MID1: variants seen among roughly 807,000 people sequenced by gnomAD.
MID1 encodes E3 ubiquitin-protein ligase Midline-1.
In MID1, 7 loss-of-function variants were observed where a neutral mutation model predicts 40.4. The observed-to-expected ratio is 0.17, with a 90% CI of 0.10 to 0.33. The LOEUF is 0.33. MID1 is among the 10% of genes least tolerant of loss of function. MID1 has a pLI of 1.00. For synonymous variants in MID1, 229 were observed against 221.2 expected (o/e 1.04, Z -0.31); for missense variants, 367 against 558.5 (o/e 0.66, Z 3.46).
chrX:10,735,990 T>C (rs949489442), intron 1 of MID1, among the ~76,000 whole-genome samples: 2 of 112,614 alleles, frequency 1.8e-5, no homozygotes, highest in Admixed American at 9.4e-5. Context: ...TCTGACATTT[T>C]CCTAGCCTCT....
intron 1 of MID1, among the ~76,000 whole-genome samples, chrX:10,579,725 A>T (rs771549679): frequency 9.0e-6 from 1 of 111,570 alleles, no homozygotes; most frequent in East Asian, 2.8e-4. Flanking sequence ...CTCCTGGTTA[A>T]CTATTACGAA....
At chrX:10,689,468 G>A (rs147001961) in intron 1 of MID1, among the ~76,000 whole-genome samples, 96 of 111,660 alleles carry the variant, frequency 8.6e-4, no homozygotes, top group African/African-American at 3.0e-3. Context: ...CCCCTGACAT[G>A]TGGGGATTAC....
intron 1 of MID1, among the ~76,000 whole-genome samples, chrX:10,817,538 TTCTTTCTTTC>T (rs1407011746): frequency 3.4e-4 from 34 of 101,462 alleles, no homozygotes; most frequent in African/African-American, 1.2e-3. Context: ...CTTTCTTTCT[TTCTTTCTTTC>T]TTTCTTTCTT....
intron 1 of MID1, among the ~76,000 whole-genome samples, chrX:10,800,079 C>T (rs758867966): frequency 9.0e-6 from 1 of 111,424 alleles, no homozygotes; most frequent in East Asian, 2.8e-4. Flanking sequence ...CTTGGTATTT[C>T]CCTCCCCTTA....
At chrX:10,492,238 T>C (rs1930991338) in intron 4 of MID1, among the ~76,000 whole-genome samples, 1 of 112,113 alleles carries the variant, frequency 8.9e-6, no homozygotes, top group South Asian at 3.7e-4. Context: ...TGGGGTAAGA[T>C]AATGTTGTCT....
intron 1 of MID1, among the ~76,000 whole-genome samples, chrX:10,688,257 AT>A (rs1294278673): frequency 8.9e-6 from 1 of 111,807 alleles, no homozygotes. Context: ...GTTATAAAAT[AT>A]TTTTATTTCC....
intron 1 of MID1, among the ~76,000 whole-genome samples, chrX:10,831,480 G>A: frequency 9.0e-6 from 1 of 111,453 alleles, no homozygotes; most frequent in Non-Finnish European, 1.9e-5. Context: ...CTCCATGCAA[G>A]CACGCAGTAC....
At chrX:10,712,012 T>C (rs763254833) in intron 1 of MID1, among the ~76,000 whole-genome samples, 1 of 112,107 alleles carries the variant, frequency 8.9e-6, no homozygotes, top group Non-Finnish European at 1.9e-5. Context: ...TTATCGATAA[T>C]GCCAAGGTTG....
At chrX:10,525,238 T>A (rs770356625) in intron 2 of MID1, among the ~76,000 whole-genome samples, 2 of 112,440 alleles carry the variant, frequency 1.8e-5, no homozygotes, top group African/African-American at 6.5e-5. Flanking sequence ...AATGCATATG[T>A]CAAAAGCAGA....
intron 3 of MID1, among the ~76,000 whole-genome samples, chrX:10,498,591 G>A (rs1199500288): frequency 8.9e-6 from 1 of 112,014 alleles, no homozygotes; most frequent in Non-Finnish European, 1.9e-5. Flanking sequence ...CCCATAATGT[G>A]TGCAGTCACT....
At chrX:10,469,411 T>C in intron 7 of MID1, 8 of 1,057,902 alleles carry the variant, frequency 7.6e-6, no homozygotes, top group Non-Finnish European at 9.8e-6. Context: ...TCTCTCTCTA[T>C]GTATCTCTCT....
intron 3 of MID1, among the ~76,000 whole-genome samples, chrX:10,510,703 A>G (rs1274178829): frequency 9.4e-6 from 1 of 106,552 alleles, no homozygotes; most frequent in African/African-American, 3.5e-5. Flanking sequence ...ATGGTGGTGC[A>G]CACTTGTAAT....
chrX:10,682,149 A>G (rs1247331211), intron 1 of MID1, among the ~76,000 whole-genome samples: 1 of 111,123 alleles, frequency 9.0e-6, no homozygotes, highest in Non-Finnish European at 1.9e-5. Flanking sequence ...CAATAAAAAA[A>G]AATGTTAATA....
intron 1 of MID1, among the ~76,000 whole-genome samples, chrX:10,761,028 A>T (rs1368547128): frequency 2.7e-5 from 3 of 111,446 alleles, no homozygotes; most frequent in African/African-American, 9.8e-5. Flanking sequence ...TTTCTATGCT[A>T]TTACTTTATT....
intron 1 of MID1, among the ~76,000 whole-genome samples, chrX:10,726,996 G>C (rs943385523): frequency 2.6e-5 from 3 of 113,213 alleles, no homozygotes; most frequent in Non-Finnish European, 5.6e-5. Flanking sequence ...CAGATGGAAT[G>C]CTCTGAAGAG....
intron 9 of MID1, among the ~76,000 whole-genome samples, chrX:10,452,347 T>C (rs1928395122): frequency 8.9e-6 from 1 of 112,238 alleles, no homozygotes; most frequent in South Asian, 3.7e-4. Context: ...ACTAAGTGTA[T>C]AGTCCATTAA....
chrX:10,481,883 T>TAAC (rs1489828632), intron 5 of MID1, among the ~76,000 whole-genome samples: 1 of 112,377 alleles, frequency 8.9e-6, no homozygotes, highest in Non-Finnish European at 1.9e-5. Flanking sequence ...ACCATTCAGA[T>TAAC]AACATCACAT....
Position 10,447,671 on chromosome X carries a change from T to C in MID1, c.*1697A>G. 1 of 111,175 alleles carries C rather than the reference T, an allele frequency of 9.0e-6. No homozygotes were observed. The highest frequency in any genetic ancestry group is 1.9e-5 in the Non-Finnish European group (1 of 53,067). The allele number at this position is 111,175 out of a possible 1,213,427, so 9.2% of individuals were successfully genotyped here. On this transcript the variant is annotated 3_prime_UTR_variant, in exon 10 of 10. Coordinates refer to ENST00000317552, the MANE Select transcript of MID1 (RefSeq NM_000381.4). The stretch of plus-strand genomic sequence containing the variant: ...TAAATAATATAGTAAATATATAGAA[T>C]CTATCTGTTAAGAAAAAGGAGAGTG...
chrX:10,695,292 T>C (rs1368117989), intron 1 of MID1, among the ~76,000 whole-genome samples: 1 of 110,971 alleles, frequency 9.0e-6, no homozygotes, highest in Non-Finnish European at 1.9e-5. Flanking sequence ...GCCCAGTGAA[T>C]TTTTCTGCAT....
Sources: allele counts gnomAD v4.1 joint callset (sites outside exome capture counted in the v4.1 genomes callset), GRCh38; gene constraint gnomAD v4.1.1; transcripts MANE v1.5; gene names NCBI Gene and HGNC (gene_info 2026-07-23, HGNC 2026-07-21).